The following ZNF268 variants were observed in gnomAD, a reference collection of about 807,000 sequenced individuals.
ZNF268 encodes the protein zinc finger protein 268, also known as zinc finger protein 3.
Under a neutral mutation model 29.3 loss-of-function variants are expected in ZNF268, and 20 were observed. The observed-to-expected ratio is 0.68, with a 90% confidence interval of 0.48 to 0.99. The LOEUF (loss-of-function observed/expected upper bound fraction) is 0.99. ZNF268 is among the 50% of genes least tolerant of loss of function. The pLI is 0.00. For missense variants in ZNF268, 1,240 were observed against 1,121.6 expected, an observed-to-expected ratio of 1.11 and a Z score of -1.51; for synonymous variants, 429 against 376.9, an observed-to-expected ratio of 1.14 and a Z score of -1.60.
intron 3 of ZNF268, chr12:133,188,277 G>A: frequency 3.7e-6 from 2 of 537,938 alleles, no homozygotes; most frequent in Non-Finnish European, 6.6e-6. Context: ...ACTCACTGCA[G>A]CCTCAAACTC....
At chr12:133,188,962 C>T (rs779764028) in intron 3 of ZNF268, among the ~76,000 whole-genome samples, 1 of 151,798 alleles carries the variant, frequency 6.6e-6, no homozygotes, top group Non-Finnish European at 1.5e-5. Context: ...CTATTGTTTT[C>T]TTATCCTAAG....
Position 133,203,624 on chromosome 12 carries a change from A to G in ZNF268, c.1938A>G (p.Gly646=), listed in dbSNP as rs769201900. The change falls in exon 6 of 6, where the codon GGA becomes GGG. Residue 646 remains glycine, a synonymous_variant. Transcript: ENST00000536435. ...AACCCTATAGTTGTAATGAATGTGG[A>G]AAAGCCTTTACGTTCAAATCACAGC... ...GEKPYSCNEC[G]KAFTFKSQLI... 3 of 1,566,324 alleles carry G rather than the reference A, an allele frequency of 1.9e-6. No homozygotes were observed. Among genetic ancestry groups the G allele is most frequent in the Non-Finnish European group, 1.7e-6 (2 of 1,159,702 alleles).
At position 133,204,308 on chromosome 12, in the gene ZNF268, T is replaced by C. The variant is rs1347029144; in HGVS notation, c.2622T>C (p.Ile874=). The change falls in exon 6 of 6, where the codon ATT becomes ATC. Residue 874 remains isoleucine, a synonymous_variant. Coordinates refer to ENST00000536435, the MANE Select transcript of ZNF268 (RefSeq NM_003415.3). ...YECSECGKAF[I]RNSQLIVHQR... ...GCAGTGAGTGTGGAAAAGCCTTCAT[T>C]AGGAATTCTCAACTCATTGTACATC... 6.4e-7 allele frequency: 1 copy of C among 1,559,210 alleles called. No homozygotes were observed. Among genetic ancestry groups the C allele is most frequent in the Non-Finnish European group, 8.7e-7 (1 of 1,155,682 alleles).
chr12:133,187,018 T>A (rs1956337165), intron 2 of ZNF268, among the ~76,000 whole-genome samples: 1 of 152,214 alleles, frequency 6.6e-6, no homozygotes, highest in South Asian at 2.1e-4. Flanking sequence ...GTTCGCTCCC[T>A]CTTCCCTATC....
chr12:133,191,039 G>A (rs577296566), intron 3 of ZNF268, among the ~76,000 whole-genome samples: 42 of 152,172 alleles, frequency 2.8e-4, no homozygotes, highest in African/African-American at 8.9e-4. Flanking sequence ...TAAAGAGGCC[G>A]GGCGCGGTGG....
chr12:133,203,158 A>G lies in ZNF268; in HGVS notation c.1472A>G (p.Gln491Arg), dbSNP rs1956797129. ...FSLKSQLIVHQRSHTGMKPYV... is the reference protein window; with the variant it reads ...FSLKSQLIVHRRSHTGMKPYV... Reference sequence around the variant, plus strand: ...TTGAAATCACAGCTCATTGTACATCAGAGAAGTCACACAGGAATGAAACCT... The same window carrying G: ...TTGAAATCACAGCTCATTGTACATCGGAGAAGTCACACAGGAATGAAACCT... Residue 491 changes from glutamine to arginine, a missense_variant, in exon 6 of 6, where the codon CAG (glutamine) becomes CGG (arginine). By Grantham distance (43) the Gln-to-Arg change is conservative. Around this residue, in one of 3 missense-constraint regions of ZNF268, gnomAD observed 1,177 missense variants for 1,039.6 expected, o/e 1.13. Transcript: ENST00000536435. 6.5e-7 allele frequency: 1 copy of G among 1,537,610 alleles called. No individual in the cohort carries two copies. The highest frequency in any genetic ancestry group is 1.4e-5 in the African/African-American group (1 of 73,042).
chr12:133,182,572 T>C (rs1263989352), intron 2 of ZNF268, among the ~76,000 whole-genome samples: 1 of 152,054 alleles, frequency 6.6e-6, no homozygotes, highest in African/African-American at 2.4e-5. Flanking sequence ...CATGCAGGAA[T>C]GGGTCAGTTT....
chr12:133,198,944 G>A (rs9669768), intron 5 of ZNF268, among the ~76,000 whole-genome samples: 43,934 of 139,830 alleles, frequency 0.31, 6,966 homozygotes, highest in African/African-American at 0.37. Context: ...GGCTGAGACA[G>A]TGGGGTTTTC....
chr12:133,202,774 G>GT lies in ZNF268; in HGVS notation c.1089dup (p.Glu364Ter), dbSNP rs1566381882. The GT allele has an allele frequency of 6.2e-7, 1 of 1,610,580 alleles. No individual in the cohort carries two copies. Among genetic ancestry groups the GT allele is most frequent in the Non-Finnish European group, 8.5e-7 (1 of 1,179,224 alleles). ...ACAGGTGAGAATCCCTATGAGTGCTGTGAATGTGGGAAAGTCTTCAGTAGG... is the reference window on the plus strand; with the variant it reads ...ACAGGTGAGAATCCCTATGAGTGCTGTTGAATGTGGGAAAGTCTTCAGTAGG... On this transcript the variant is annotated frameshift_variant, in exon 6 of 6. Transcript: ENST00000536435. LOFTEE classifies it low-confidence loss of function (END_TRUNC).
chr12:133,185,367 G>T (rs1308691970), intron 2 of ZNF268, among the ~76,000 whole-genome samples: 1 of 152,148 alleles, frequency 6.6e-6, no homozygotes, highest in Admixed American at 6.5e-5. Context: ...CGAGGCAAGA[G>T]AAGTTTGATG....
At chr12:133,186,315 C>T (rs1287493110) in intron 2 of ZNF268, among the ~76,000 whole-genome samples, 6 of 151,702 alleles carry the variant, frequency 4.0e-5, no homozygotes, top group East Asian at 1.9e-4. Flanking sequence ...AAATGTGGAG[C>T]GGGTAGACTG....
chr12:133,204,157 T>C lies in ZNF268; in HGVS notation c.2471T>C (p.Ile824Thr). The change falls in exon 6 of 6, where the codon ATT becomes ACT. Residue 824 changes from isoleucine to threonine, a missense_variant. By Grantham distance (89) the Ile-to-Thr change is moderately conservative (BLOSUM62 -1). This residue lies in a region of ZNF268 where 1,177 missense variants were observed against 1,039.6 expected (regional missense o/e 1.13). Coordinates refer to ENST00000536435, the MANE Select transcript of ZNF268 (RefSeq NM_003415.3). ...GKAFIWKSLL[I>T]VHERTHAGVN... ...GCCTTCATTTGGAAATCACTACTCA[T>C]TGTACATGAGCGAACTCATGCAGGG... is the stretch of plus-strand genomic sequence containing the variant. 2 of 1,542,298 alleles carry C rather than the reference T, an allele frequency of 1.3e-6. No homozygotes were observed. The highest frequency in any genetic ancestry group is 1.7e-6 in the Non-Finnish European group (2 of 1,147,286).
chr12:133,212,164 T>C lies in ZNF268; in HGVS notation c.*7634T>C, dbSNP rs1956991200. 1 of 152,084 alleles carries C rather than the reference T, an allele frequency of 6.6e-6. No homozygotes were observed. The highest frequency in any genetic ancestry group is 2.4e-5 in the African/African-American group (1 of 41,400). The allele number at this position is 152,084 out of a possible 1,614,324, so 9.4% of individuals were successfully genotyped here. ...TATGATGTTATGGAAAAGCAGAAAC[T>C]ACAGGGGTAGCAAACATATCTGTGA... is the stretch of plus-strand genomic sequence containing the variant. On this transcript the variant is annotated 3_prime_UTR_variant, in exon 6 of 6. Coordinates refer to ENST00000536435, the MANE Select transcript of ZNF268 (RefSeq NM_003415.3).
intron 1 of ZNF268, 86 bp from the exon 2 acceptor site, chr12:133,181,860 C>A (rs1956184479): frequency 1.2e-6 from 1 of 823,098 alleles, no homozygotes; most frequent in Non-Finnish European, 2.0e-6. Flanking sequence ...CCGAGAATGG[C>A]AGGCAGCCCT....
At position 133,214,166 on chromosome 12, in the gene ZNF268, T is replaced by C. The variant is rs1957024373; in HGVS notation, c.*9636T>C. The C allele has an allele frequency of 6.6e-6, 1 of 152,116 alleles. No individual in the cohort carries two copies. Among genetic ancestry groups the C allele is most frequent in the Non-Finnish European group, 1.5e-5 (1 of 68,028 alleles). The allele number at this position is 152,116 out of a possible 1,614,324, so 9.4% of individuals were successfully genotyped here. A position where few individuals can be genotyped will look rare whatever the true frequency, so the allele number is the denominator to read the frequency against. ...CTGTAAAGAAGATATGCAAATAGCA[T>C]ATGAAACGATACTCAACATCACTAG... is the stretch of plus-strand genomic sequence containing the variant. On this transcript the variant is annotated 3_prime_UTR_variant, in exon 6 of 6. Transcript: ENST00000536435.
intron 2 of ZNF268, among the ~76,000 whole-genome samples, chr12:133,184,246 C>T (rs1423417103): frequency 2.0e-5 from 3 of 151,958 alleles, no homozygotes; most frequent in Non-Finnish European, 2.9e-5. Context: ...GGACTACAGG[C>T]GTGTGCCACC....
Position 133,208,049 on chromosome 12 carries a change from C to T in ZNF268, c.*3519C>T, listed in dbSNP as rs962700026. On this transcript the variant is annotated 3_prime_UTR_variant, in exon 6 of 6. Transcript: ENST00000536435. Reference sequence around the variant, plus strand: ...TTAATGATAAAATAGTAGAAAGATTCCTTTAAAGTAAAATTAGCCAGGTGC... The same window carrying T: ...TTAATGATAAAATAGTAGAAAGATTTCTTTAAAGTAAAATTAGCCAGGTGC... 1.8e-4 allele frequency: 27 copies of T among 152,006 alleles called. No homozygotes were observed. Among genetic ancestry groups the T allele is most frequent in the African/African-American group, 6.0e-4 (25 of 41,380 alleles). 9.4% of individuals were successfully genotyped at this position (152,006 alleles called of 1,614,324 possible). A position where few individuals can be genotyped will look rare whatever the true frequency, so the allele number is the denominator to read the frequency against.
chr12:133,194,716 T>A (rs1956554617), intron 5 of ZNF268, among the ~76,000 whole-genome samples: 1 of 152,182 alleles, frequency 6.6e-6, no homozygotes. Context: ...AAATGGGTCT[T>A]CACTTCCCTG....
intron 2 of ZNF268, chr12:133,184,629 AT>A: frequency 8.0e-6 from 3 of 374,720 alleles, no homozygotes; most frequent in Middle Eastern, 6.3e-4. Flanking sequence ...TTATTTGTTT[AT>A]TTTTTTGAGA....
Sources: gnomAD v4.1 joint callset for allele counts (sites outside exome capture counted in the v4.1 genomes callset) on GRCh38, gnomAD v4.1.1 for gene constraint, gnomAD v4.1.1 regional missense constraint, MANE v1.5 for transcripts, NCBI Gene and HGNC (gene_info 2026-07-23, HGNC 2026-07-21) for gene names.